The following PRKDC variants were observed in gnomAD, a reference collection of about 807,000 sequenced individuals.
PRKDC encodes the protein protein kinase, DNA-activated, catalytic subunit.
In PRKDC, 82 loss-of-function variants were observed where a neutral mutation model predicts 486.9. That is an observed-to-expected ratio of 0.17 (90% CI 0.14 to 0.20). The LOEUF is 0.20. Ranked by LOEUF, PRKDC falls within the 10% of genes least tolerant of loss-of-function variation. PRKDC has a pLI of 1.00. For synonymous variants in PRKDC, 1,895 were observed against 1,837.0 expected, an observed-to-expected ratio of 1.03 and a Z score of -0.81; for missense variants, 4,504 against 5,038.2, an observed-to-expected ratio of 0.89 and a Z score of 3.21.
At chr8:47,809,104 G>GC (rs1312467202) in intron 68 of PRKDC, among the ~76,000 whole-genome samples, 2 of 145,044 alleles carry the variant, frequency 1.4e-5, no homozygotes, top group African/African-American at 5.1e-5. Context: ...GGAGGGGAGT[G>GC]CAGGGGAGTA....
chr8:47,778,364 T>G, intron 83 of PRKDC, 95 bp downstream of exon 83: 7 of 1,323,014 alleles, frequency 5.3e-6, no homozygotes, highest in Non-Finnish European at 7.2e-6. Context: ...ACTAATATGT[T>G]GTTTTTCCTT....
intron 11 of PRKDC, among the ~76,000 whole-genome samples, chr8:47,937,217 C>T (rs1437546986): frequency 1.3e-5 from 2 of 151,962 alleles, no homozygotes; most frequent in Admixed American, 6.6e-5. Flanking sequence ...GCTGAGATCG[C>T]GCCACTGCAC....
chr8:47,943,168 G>C, intron 10 of PRKDC, 41 bp downstream of exon 10: 1 of 1,591,834 alleles, frequency 6.3e-7, no homozygotes, highest in South Asian at 1.1e-5. Flanking sequence ...AATTCTGTGT[G>C]TGAAAGAAAT....
chr8:47,910,388 T>C (rs947396077), intron 25 of PRKDC, among the ~76,000 whole-genome samples: 16 of 152,206 alleles, frequency 1.1e-4, no homozygotes, highest in Non-Finnish European at 2.2e-4. Flanking sequence ...TTCTTTAACA[T>C]GTTAGTCATT....
chr8:47,953,705 T>C lies in PRKDC; in HGVS notation c.636A>G (p.Val212=), dbSNP rs879136232. The stretch of plus-strand genomic sequence containing the variant: ...CCAGAACAGGTAGTTTGGGCTCTCT[T>C]ACTGCTGATGTCATCTAAAAGAAAA... ...GELKTQMTSA[V]REPKLPVLAG... is the part of the protein sequence containing the mutation. The change falls in exon 7 of 86, where the codon GTA becomes GTG. Residue 212 remains valine (V), a synonymous_variant. Transcript: ENST00000314191. 2 of 1,612,652 alleles carry C rather than the reference T, an allele frequency of 1.2e-6. No homozygotes were observed. Among genetic ancestry groups the C allele is most frequent in the South Asian group, 2.2e-5 (2 of 90,614 alleles).
intron 35 of PRKDC, among the ~76,000 whole-genome samples, 181 bp downstream of exon 35, chr8:47,887,366 G>A (rs755088531): frequency 2.0e-5 from 3 of 151,944 alleles, no homozygotes; most frequent in Non-Finnish European, 4.4e-5. Flanking sequence ...GTTCTATTCC[G>A]TTCTTTTTTT....
At chr8:47,902,484 A>G (rs1425814705) in intron 27 of PRKDC, 85 bp downstream of exon 27, 9 of 924,606 alleles carry the variant, frequency 9.7e-6, no homozygotes. Context: ...AATGCAGGAA[A>G]TATGACACAC....
In PRKDC at chr8:47,915,515, C is replaced by A; in HGVS notation, c.2527-97G>T. ...ACTCTTTGCCACCCACTTGGATGTCCATTTCCTAGAACCGCAGTTCCAAAC... is the reference window on the plus strand; with the variant it reads ...ACTCTTTGCCACCCACTTGGATGTCAATTTCCTAGAACCGCAGTTCCAAAC... On this transcript the variant is annotated intron_variant, in intron 22 of 85. Transcript: ENST00000314191. 3 of 709,110 alleles carry A rather than the reference C, an allele frequency of 4.2e-6. No individual in the cohort carries two copies. In the South Asian group the frequency reaches 6.4e-5, roughly 15 times the overall value. The allele number at this position is 709,110 out of a possible 1,614,324, so 43.9% of individuals were successfully genotyped here. A position where few individuals can be genotyped will look rare whatever the true frequency, so the allele number is the denominator to read the frequency against.
At chr8:47,879,751 G>T in intron 38 of PRKDC, 93 bp from the exon 39 acceptor site, 1 of 1,053,052 alleles carries the variant, frequency 9.5e-7, no homozygotes, top group Non-Finnish European at 1.3e-6. Flanking sequence ...TGCAAATAAA[G>T]CATTATGTGG....
chr8:47,859,998 C>A (rs532169098), intron 45 of PRKDC, among the ~76,000 whole-genome samples: 57 of 152,278 alleles, frequency 3.7e-4, no homozygotes, highest in African/African-American at 1.3e-3. Flanking sequence ...AATTGTTATA[C>A]TGGTCCAATT....
rs1355939368 is a variant in PRKDC, at chr8:47,826,748, C to G, written c.8691G>C (p.Leu2897=). 1 of 1,612,978 alleles carries G rather than the reference C, an allele frequency of 6.2e-7. No individual in the cohort carries two copies. Among genetic ancestry groups the G allele is most frequent in the Non-Finnish European group, 8.5e-7 (1 of 1,179,656 alleles). The change falls in exon 63 of 86, where the codon CTG becomes CTC. Residue 2897 remains leucine, a synonymous_variant. Transcript: ENST00000314191. ...GCAGCTCAGCAGGCAGCAGGCGGAG[C>G]AGAGCCTCCTCTAGCAGGCGGATGC... The part of the protein sequence containing the change: ...PVGIRLLEEA[L]LRLLPAELPA...
At chr8:47,831,295 C>T (rs916229569) in intron 60 of PRKDC, among the ~76,000 whole-genome samples, 2 of 152,236 alleles carry the variant, frequency 1.3e-5, no homozygotes, top group South Asian at 2.1e-4. Flanking sequence ...CCTGTGGCGG[C>T]GGCGGCTGGC....
chr8:47,774,172 C>G lies in PRKDC; in HGVS notation c.*1G>C. 6.4e-7 allele frequency: 1 copy of G among 1,569,432 alleles called. No homozygotes were observed. Among genetic ancestry groups the G allele is most frequent in the South Asian group, 1.2e-5 (1 of 85,440 alleles). On this transcript the variant is annotated 3_prime_UTR_variant, in exon 86 of 86. Coordinates refer to ENST00000314191, the MANE Select transcript of PRKDC (RefSeq NM_006904.7). ...TTTCTATCTGCAGACTCCCACAGACCTCACATCCAGGGCTCCCATCCTTCC... is the reference window on the plus strand; with the variant it reads ...TTTCTATCTGCAGACTCCCACAGACGTCACATCCAGGGCTCCCATCCTTCC...
chr8:47,828,080 C>T, intron 62 of PRKDC, 88 bp downstream of exon 62: 1 of 1,311,506 alleles, frequency 7.6e-7, no homozygotes, highest in South Asian at 1.5e-5. Context: ...TATCAAGAGT[C>T]TCAACACGGG....
intron 59 of PRKDC, among the ~76,000 whole-genome samples, chr8:47,832,276 G>C (rs1453568412): frequency 6.6e-6 from 1 of 152,142 alleles, no homozygotes; most frequent in Non-Finnish European, 1.5e-5. Context: ...GCCTCCCTCG[G>C]GACTGTGGCA....
intron 21 of PRKDC, among the ~76,000 whole-genome samples, chr8:47,923,265 A>G (rs560358478): frequency 1.3e-5 from 2 of 152,092 alleles, no homozygotes; most frequent in South Asian, 2.1e-4. Flanking sequence ...CGGTTTCACC[A>G]TGTTTGCCAG....
intron 20 of PRKDC, 128 bp downstream of exon 20, chr8:47,927,643 G>T: frequency 8.1e-7 from 1 of 1,239,894 alleles, no homozygotes; most frequent in Non-Finnish European, 1.1e-6. Context: ...GGCAGAAGCA[G>T]ACCCTGACCC....
At chr8:47,935,157 C>A in intron 13 of PRKDC, 99 bp from the exon 14 acceptor site, 1 of 802,190 alleles carries the variant, frequency 1.2e-6, no homozygotes. Flanking sequence ...TGGAACCCAA[C>A]TTTACCTCTC....
chr8:47,859,858 T>C, intron 45 of PRKDC, 99 bp from the exon 46 acceptor site: 1 of 1,222,050 alleles, frequency 8.2e-7, no homozygotes, highest in Non-Finnish European at 1.1e-6. Flanking sequence ...AAGCACATTT[T>C]AATCTAAGGT....
Sources: allele counts gnomAD v4.1 joint callset (sites outside exome capture counted in the v4.1 genomes callset), GRCh38; gene constraint gnomAD v4.1.1; transcripts MANE v1.5; gene names NCBI Gene and HGNC (gene_info 2026-07-23, HGNC 2026-07-21).